The following ZNF76 variants were observed in gnomAD, a reference collection of about 807,000 sequenced individuals.
ZNF76 encodes the protein zinc finger protein 76.
ZNF76 carries 66 observed loss-of-function variants against 66.9 expected under a neutral mutation model. The observed-to-expected ratio is 0.99, with a 90% CI of 0.81 to 1.21. The LOEUF is 1.21. Among genes scored for constraint, ZNF76 ranks in the 50% most tolerant of loss-of-function variants. ZNF76 has a pLI of 0.00. For missense variants in ZNF76, 729 were observed against 760.3 expected, an observed-to-expected ratio of 0.96 and a Z score of 0.48; for synonymous variants, 275 against 296.1, an observed-to-expected ratio of 0.93 and a Z score of 0.73.
chr6:35,267,587 C>T (rs768495518), intron 1 of ZNF76, among the ~76,000 whole-genome samples: 4 of 152,190 alleles, frequency 2.6e-5, no homozygotes, highest in Non-Finnish European at 5.9e-5. Context: ...AAGTAATACC[C>T]AGTGAGTGCC....
chr6:35,287,619 T>A lies in ZNF76; in HGVS notation c.233-27T>A. The A allele has an allele frequency of 5.1e-6, 8 of 1,574,910 alleles. No individual in the cohort carries two copies. Among genetic ancestry groups the A allele is most frequent in the Non-Finnish European group, 6.9e-6 (8 of 1,158,418 alleles). The stretch of plus-strand genomic sequence containing the variant: ...CTGTATCTCTTCCCCTTGTGTGGCA[T>A]CAGGGCTAACCGCGTGTTCCCTGCA... On this transcript the variant is annotated intron_variant, in intron 4 of 13. Transcript: ENST00000373953. This position sits in a 1 kb window ranked among gnomAD's most constrained non-coding sequence, Gnocchi z 4.0.
intron 5 of ZNF76, 131 bp from the exon 6 acceptor site, chr6:35,290,135 T>C (rs1582176300): frequency 6.6e-6 from 8 of 1,213,564 alleles, no homozygotes; most frequent in Middle Eastern, 2.6e-4. Context: ...CGTCTAGTTA[T>C]GTTCTTCTGC....
chr6:35,283,963 C>G (rs1789152721), intron 2 of ZNF76, among the ~76,000 whole-genome samples: 1 of 152,236 alleles, frequency 6.6e-6, no homozygotes, highest in Non-Finnish European at 1.5e-5. Context: ...GGGGATTCCT[C>G]TAAAGGGGAG....
intron 1 of ZNF76, among the ~76,000 whole-genome samples, chr6:35,260,699 C>A (rs1785118046): frequency 6.6e-6 from 1 of 152,168 alleles, no homozygotes; most frequent in Non-Finnish European, 1.5e-5. Context: ...TGTGAGAAGT[C>A]CCCTCCTCAG....
intron 13 of ZNF76, 139 bp downstream of exon 13, chr6:35,294,708 C>T (rs763587554): frequency 2.3e-4 from 163 of 716,960 alleles, no homozygotes; most frequent in Non-Finnish European, 3.7e-4. Context: ...TCCCTTTCCT[C>T]CTGCATCCAT....
Position 35,287,547 on chromosome 6 carries a change from C to T in ZNF76, c.233-99C>T, listed in dbSNP as rs971094340. ...GCCATGAGAAATTGGATGTTGAAAC[C>T]CTCCTTGGTATATGTATCTCTCATT... is the stretch of plus-strand genomic sequence containing the variant. On this transcript the variant is annotated intron_variant, in intron 4 of 13. Transcript: ENST00000373953. The surrounding 1 kb of genome is among the most constrained non-coding windows in gnomAD (Gnocchi z 4.0). The T allele has an allele frequency of 8.6e-7, 1 of 1,157,110 alleles. No individual in the cohort carries two copies. The highest frequency in any genetic ancestry group is 1.2e-6 in the Non-Finnish European group (1 of 821,192). 71.7% of individuals were successfully genotyped at this position (1,157,110 alleles called of 1,614,324 possible).
At chr6:35,271,006 TA>T (rs55960977) in intron 1 of ZNF76, among the ~76,000 whole-genome samples, 101,583 of 152,060 alleles carry the variant, frequency 0.67, 37,426 homozygotes, top group Non-Finnish European at 0.82. Context: ...GGCACTGTTT[TA>T]TACCTAGCCA....
Position 35,292,582 on chromosome 6 carries a change from AG to A in ZNF76, c.962del (p.Gly321AlafsTer84). ...AGAAGCCATACGTTTGCACGGTGCC[AG>A]GCTGCGGGAAACGCTTCACCGAGTA... ...GEKPYVCTVP[G>X]CGKRFTEYSS... is the part of the protein sequence containing the mutation. On this transcript the variant is annotated frameshift_variant, in exon 10 of 14. Coordinates refer to ENST00000373953, the MANE Select transcript of ZNF76 (RefSeq NM_003427.5). LOFTEE classifies it high-confidence loss of function. The surrounding 1 kb of genome is among the most constrained non-coding windows in gnomAD (Gnocchi z 4.7). The A allele has an allele frequency of 6.2e-7, 1 of 1,612,318 alleles. No individual in the cohort carries two copies. The highest frequency in any genetic ancestry group is 8.5e-7 in the Non-Finnish European group (1 of 1,179,656).
At chr6:35,267,258 C>T (rs1562087697) in intron 1 of ZNF76, among the ~76,000 whole-genome samples, 1 of 152,120 alleles carries the variant, frequency 6.6e-6, no homozygotes, top group Non-Finnish European at 1.5e-5. Context: ...CACCACCACG[C>T]CTAGCTAATT....
At chr6:35,280,652 A>G (rs1429017821) in intron 1 of ZNF76, among the ~76,000 whole-genome samples, 1 of 151,802 alleles carries the variant, frequency 6.6e-6, no homozygotes, top group Non-Finnish European at 1.5e-5. Context: ...CGTGTGGTAC[A>G]TGTGGGATGT....
chr6:35,290,076 A>G (rs530075039), intron 5 of ZNF76, among the ~76,000 whole-genome samples, 190 bp from the exon 6 acceptor site: 1 of 152,208 alleles, frequency 6.6e-6, no homozygotes, highest in African/African-American at 2.4e-5. Flanking sequence ...GTGACTCCCC[A>G]TGCCCACCCT....
intron 2 of ZNF76, 63 bp downstream of exon 2, chr6:35,281,287 A>G (rs1257429508): frequency 1.4e-5 from 22 of 1,520,706 alleles, no homozygotes; most frequent in Non-Finnish European, 1.6e-5. Context: ...AGGAGTGTCC[A>G]TTTCTAAGAG....
In ZNF76 at chr6:35,292,567, C is replaced by T. The variant is rs147863647; in HGVS notation, c.945C>T (p.Tyr315=). ...HVRIHTGEKP[Y]VCTVPGCGKR... ...CAGTGTCCCCAGGGGAGAAGCCATA[C>T]GTTTGCACGGTGCCAGGCTGCGGGA... Residue 315 remains tyrosine, a synonymous_variant, in exon 10 of 14, where the codon TAC becomes TAT. Transcript: ENST00000373953. The surrounding 1 kb of genome is among the most constrained non-coding windows in gnomAD (Gnocchi z 4.7). 176 of 1,612,708 alleles carry T rather than the reference C, an allele frequency of 1.1e-4. No homozygotes were observed. The African/African-American group carries it at 1.8e-3, about 17-fold the overall frequency.
chr6:35,266,117 G>A (rs1786014399), intron 1 of ZNF76, among the ~76,000 whole-genome samples: 1 of 151,944 alleles, frequency 6.6e-6, no homozygotes, highest in African/African-American at 2.4e-5. Flanking sequence ...CTGATGGACT[G>A]GATGTGATAT....
intron 7 of ZNF76, 80 bp downstream of exon 7, chr6:35,290,796 C>A: frequency 7.5e-7 from 1 of 1,340,266 alleles, no homozygotes; most frequent in Non-Finnish European, 1.1e-6. Context: ...GGGAACCCAA[C>A]ACCAGGCTGC....
At chr6:35,285,109 C>G (rs1789364471) in intron 2 of ZNF76, among the ~76,000 whole-genome samples, 1 of 152,230 alleles carries the variant, frequency 6.6e-6, no homozygotes, top group Non-Finnish European at 1.5e-5. Flanking sequence ...TCGTCTAGTT[C>G]TAATTTCAAG....
chr6:35,275,015 C>T lies in ZNF76; in HGVS notation c.-96-6041C>T, dbSNP rs1037256049. 2.0e-5 allele frequency among the ~76,000 whole-genome samples: 3 copies of T among 151,954 alleles called. No homozygotes were observed. In the East Asian group the frequency reaches 5.8e-4, roughly 29 times the overall value. On this transcript the variant is annotated intron_variant, in intron 1 of 13. Transcript: ENST00000373953. ...TAAAAATACAAAAAAATTAGCCGGG[C>T]GTGGTGGTGCATGCCTGTAATCCCA...
chr6:35,282,304 T>TA (rs1220631548), intron 2 of ZNF76, among the ~76,000 whole-genome samples: 1 of 142,576 alleles, frequency 7.0e-6, no homozygotes, highest in East Asian at 2.0e-4. Context: ...AGACCCCATC[T>TA]AAAAAAAAAG....
rs1042782767 is a variant in ZNF76, at chr6:35,292,329, C to T, written c.932-225C>T. 1 of 589,498 alleles carries T rather than the reference C, an allele frequency of 1.7e-6. No individual in the cohort carries two copies. Among genetic ancestry groups the T allele is most frequent in the Non-Finnish European group, 3.1e-6 (1 of 326,790 alleles). 36.5% of individuals were successfully genotyped at this position (589,498 alleles called of 1,614,324 possible). On this transcript the variant is annotated intron_variant, in intron 9 of 13. Coordinates refer to ENST00000373953, the MANE Select transcript of ZNF76 (RefSeq NM_003427.5). The surrounding 1 kb of genome is among the most constrained non-coding windows in gnomAD (Gnocchi z 4.7). Reference sequence around the variant, plus strand: ...CACTAGCCCCAGCCTTGCCCTGTCCCCCGTTTCCTTTCCGCCTTGTCTCTG... The same window carrying T: ...CACTAGCCCCAGCCTTGCCCTGTCCTCCGTTTCCTTTCCGCCTTGTCTCTG...
Sources: gnomAD v4.1 joint callset for allele counts (sites outside exome capture counted in the v4.1 genomes callset) on GRCh38, gnomAD v4.1.1 for gene constraint, Gnocchi (gnomAD v3.1) non-coding constraint, MANE v1.5 for transcripts, NCBI Gene and HGNC (gene_info 2026-07-23, HGNC 2026-07-21) for gene names.